APOOL: variants seen among roughly 807,000 people sequenced by gnomAD.
The protein encoded by APOOL is MICOS complex subunit MIC27.
A neutral mutation model predicts 23.1 loss-of-function variants in APOOL; 12 were observed. That is an observed-to-expected ratio of 0.52 (90% CI 0.33 to 0.84). APOOL has a LOEUF of 0.84. Among genes scored for constraint, APOOL ranks in the 40% least tolerant of loss-of-function variants. The probability of loss-of-function intolerance (pLI) is 0.02; values close to 1 mark genes in which losing one functional copy is unlikely to be tolerated. For synonymous variants in APOOL, 77 were observed against 69.9 expected (o/e 1.10, Z -0.51); for missense variants, 212 against 199.6 (o/e 1.06, Z -0.37).
At position 85,054,399 on chromosome X, in the gene APOOL, G is replaced by T; in HGVS notation, c.295+1G>T. The T allele has an allele frequency of 8.6e-7, 1 of 1,167,548 alleles. No homozygotes were observed. Among genetic ancestry groups the T allele is most frequent in the Non-Finnish European group, 1.2e-6 (1 of 866,426 alleles). On this transcript the variant is annotated splice_donor_variant, in intron 4 of 8. Coordinates refer to ENST00000373173, the MANE Select transcript of APOOL (RefSeq NM_198450.6). LOFTEE classifies it high-confidence loss of function. ...ATGGATACAGTACAATTTGGAAAAG[G>T]TAGGTGAGTAGATAATTAGAAATGT... is the stretch of plus-strand genomic sequence containing the variant.
chrX:85,018,423 A>G (rs1217907107), intron 1 of APOOL, among the ~76,000 whole-genome samples: 2 of 111,611 alleles, frequency 1.8e-5, no homozygotes, highest in Non-Finnish European at 3.8e-5. Flanking sequence ...GACAGCACCA[A>G]GTTATTTATG....
chrX:85,034,280 T>G (rs1922139725), intron 1 of APOOL, among the ~76,000 whole-genome samples: 1 of 111,803 alleles, frequency 8.9e-6, no homozygotes, highest in Admixed American at 9.5e-5. Context: ...TCAGGTTGTA[T>G]TTGATCATGT....
intron 1 of APOOL, among the ~76,000 whole-genome samples, chrX:85,024,300 G>A (rs887073188): frequency 3.6e-5 from 4 of 112,032 alleles, no homozygotes; most frequent in Admixed American, 2.8e-4. Flanking sequence ...AGCATTCCTC[G>A]GAGTATGCAG....
At chrX:85,057,570 A>C (rs991194088) in intron 5 of APOOL, among the ~76,000 whole-genome samples, 1 of 105,547 alleles carries the variant, frequency 9.5e-6, no homozygotes, top group Non-Finnish European at 1.9e-5. Flanking sequence ...TATATATCTC[A>C]TCTGAATGGA....
chrX:85,087,740 T>C lies in APOOL; in HGVS notation c.*62T>C, dbSNP rs1187962817. The C allele has an allele frequency of 2.0e-6, 2 of 976,173 alleles. No individual in the cohort carries two copies. Among genetic ancestry groups the C allele is most frequent in the African/African-American group, 2.0e-5 (1 of 50,683 alleles). 80.4% of individuals were successfully genotyped at this position (976,173 alleles called of 1,213,427 possible). On this transcript the variant is annotated 3_prime_UTR_variant, in exon 9 of 9. Coordinates refer to ENST00000373173, the MANE Select transcript of APOOL (RefSeq NM_198450.6). ...AGATGTGTGGCGTTGCAAATAATGA[T>C]GAAAATAAATCATGTAATGGGTAAC...
intron 5 of APOOL, among the ~76,000 whole-genome samples, 185 bp downstream of exon 5, chrX:85,056,110 T>A (rs920054012): frequency 9.0e-5 from 10 of 111,530 alleles, no homozygotes; most frequent in Non-Finnish European, 3.8e-5. Context: ...ACTATAGCTA[T>A]TCCAAAGGCT....
At chrX:85,059,816 A>G (rs1276354499) in intron 5 of APOOL, among the ~76,000 whole-genome samples, 2 of 110,864 alleles carry the variant, frequency 1.8e-5, no homozygotes, top group Non-Finnish European at 3.8e-5. Context: ...ATTTTCTCCC[A>G]TTCTGTAGGT....
At chrX:85,036,503 A>G (rs1305958209) in intron 1 of APOOL, among the ~76,000 whole-genome samples, 2 of 110,681 alleles carry the variant, frequency 1.8e-5, no homozygotes, top group African/African-American at 6.6e-5. Context: ...CCAGTACTAT[A>G]TTGACTAGGC....
At chrX:85,058,833 G>A (rs1923073799) in intron 5 of APOOL, among the ~76,000 whole-genome samples, 1 of 109,965 alleles carries the variant, frequency 9.1e-6, no homozygotes. Context: ...GTGATGTTGA[G>A]CTTTTTTTCA....
intron 1 of APOOL, among the ~76,000 whole-genome samples, chrX:85,027,798 G>A (rs1921894190): frequency 8.9e-6 from 1 of 112,194 alleles, no homozygotes; most frequent in Admixed American, 9.5e-5. Flanking sequence ...TTTGTTGTAA[G>A]TGATTTGATC....
intron 5 of APOOL, 72 bp from the exon 6 acceptor site, chrX:85,067,055 C>T: frequency 1.5e-6 from 1 of 655,948 alleles, no homozygotes; most frequent in East Asian, 3.6e-5. Context: ...GCAAAGAAAG[C>T]ATTACGGTAT....
chrX:85,016,503 C>T (rs1047301482), intron 1 of APOOL, among the ~76,000 whole-genome samples: 2 of 110,768 alleles, frequency 1.8e-5, no homozygotes, highest in Non-Finnish European at 3.8e-5. Context: ...TTCCAGGTAG[C>T]GGGGAATTGT....
chrX:85,073,825 A>C (rs1923748100), intron 6 of APOOL, among the ~76,000 whole-genome samples, 173 bp from the exon 7 acceptor site: 1 of 111,758 alleles, frequency 8.9e-6, no homozygotes, highest in African/African-American at 3.2e-5. Context: ...ATGACACAAA[A>C]AATTTTTCAT....
At position 85,088,345 on chromosome X, in the gene APOOL, T is replaced by TTTTTTTTA. The variant is rs1924438508; in HGVS notation, c.*667_*668insTTTTTTTA. 1.2e-5 allele frequency: 1 copy of TTTTTTTTA among 84,836 alleles called. No homozygotes were observed. The highest frequency in any genetic ancestry group is 3.8e-4 in the East Asian group (1 of 2,636). 7.0% of individuals were successfully genotyped at this position (84,836 alleles called of 1,213,427 possible). ...TTTTTTTTTTTTTTTTTTTTTTTTTTCCCATTTCCTAGAGCTGGAATAAAA... is the reference window on the plus strand; with the variant it reads ...TTTTTTTTTTTTTTTTTTTTTTTTTTTTTTTTTACCCATTTCCTAGAGCTGGAATAAAA... On this transcript the variant is annotated 3_prime_UTR_variant, in exon 9 of 9. Coordinates refer to ENST00000373173, the MANE Select transcript of APOOL (RefSeq NM_198450.6).
chrX:85,041,835 T>G (rs754422894), intron 1 of APOOL, among the ~76,000 whole-genome samples: 1 of 110,853 alleles, frequency 9.0e-6, no homozygotes. Context: ...GAGCCCCCCC[T>G]TGTCTTCCTG....
Position 85,054,410 on chromosome X carries a change from G to T in APOOL, c.295+12G>T. 1 of 1,154,897 alleles carries T rather than the reference G, an allele frequency of 8.7e-7. No homozygotes were observed. Among genetic ancestry groups the T allele is most frequent in the South Asian group, 2.0e-5 (1 of 50,076 alleles). On this transcript the variant is annotated intron_variant, in intron 4 of 8. Coordinates refer to ENST00000373173, the MANE Select transcript of APOOL (RefSeq NM_198450.6). ...ACAATTTGGAAAAGGTAGGTGAGTA[G>T]ATAATTAGAAATGTTTTATTGTGTT...
chrX:85,013,595 G>A (rs1377226721), intron 1 of APOOL, among the ~76,000 whole-genome samples: 1 of 111,843 alleles, frequency 8.9e-6, no homozygotes, highest in South Asian at 3.7e-4. Context: ...TCATTCATTA[G>A]TAGATTATTT....
chrX:85,019,969 C>T (rs1325704224), intron 1 of APOOL, among the ~76,000 whole-genome samples: 1 of 111,390 alleles, frequency 9.0e-6, no homozygotes, highest in African/African-American at 3.3e-5. Flanking sequence ...GCAGCATAAC[C>T]CCAGTGATGG....
At chrX:85,057,513 A>AAT (rs965242037) in intron 5 of APOOL, among the ~76,000 whole-genome samples, 7 of 105,224 alleles carry the variant, frequency 6.7e-5, no homozygotes, top group Non-Finnish European at 9.7e-5. Context: ...ACATATATAT[A>AAT]ATATATATAT....
Sources: allele counts gnomAD v4.1 joint callset (sites outside exome capture counted in the v4.1 genomes callset), GRCh38; gene constraint gnomAD v4.1.1; transcripts MANE v1.5; gene names NCBI Gene and HGNC (gene_info 2026-07-23, HGNC 2026-07-21).